Variants in HPGDS observed in about 807,000 individuals in gnomAD.
The protein encoded by HPGDS is GST class-sigma.
Under a neutral mutation model 23.1 loss-of-function variants are expected in HPGDS, and 26 were observed. The observed-to-expected ratio is 1.13, with a 90% CI of 0.83 to 1.56. The LOEUF is 1.56. Ranked by LOEUF, HPGDS falls within the 40% of genes most tolerant of loss-of-function variation. HPGDS has a pLI of 0.00. For missense variants in HPGDS, 268 were observed against 236.4 expected, an observed-to-expected ratio of 1.13 and a Z score of -0.88; for synonymous variants, 95 against 77.9, an observed-to-expected ratio of 1.22 and a Z score of -1.16.
intron 2 of HPGDS, among the ~76,000 whole-genome samples, chr4:94,332,191 T>C (rs1364420363): frequency 1.3e-5 from 2 of 152,080 alleles, no homozygotes; most frequent in Non-Finnish European, 2.9e-5. Flanking sequence ...GAAGACTACC[T>C]GCCCACCCTG....
At chr4:94,310,243 G>A (rs894578760) in intron 3 of HPGDS, among the ~76,000 whole-genome samples, 1 of 152,130 alleles carries the variant, frequency 6.6e-6, no homozygotes, top group Non-Finnish European at 1.5e-5. Flanking sequence ...AGGTTTTCTT[G>A]TAGGGTTTTT....
intron 3 of HPGDS, among the ~76,000 whole-genome samples, chr4:94,314,359 T>G (rs556223405): frequency 3.1e-4 from 47 of 152,316 alleles, no homozygotes; most frequent in Non-Finnish European, 5.7e-4. Flanking sequence ...CTTTTAACAG[T>G]CAGGACCCTC....
chr4:94,317,754 T>C (rs1310230074), intron 3 of HPGDS, 119 bp downstream of exon 3: 2 of 580,792 alleles, frequency 3.4e-6, no homozygotes, highest in East Asian at 3.0e-5. Context: ...TTTTCTCTTA[T>C]TTAATTCCAT....
chr4:94,310,297 G>T (rs146012456), intron 3 of HPGDS, among the ~76,000 whole-genome samples: 3,463 of 152,154 alleles, frequency 0.023, 87 homozygotes, highest in African/African-American at 0.068. Context: ...CATCTTGAAT[G>T]AATTTTTGTA....
intron 4 of HPGDS, among the ~76,000 whole-genome samples, chr4:94,304,863 T>G (rs1344337634): frequency 6.6e-6 from 1 of 152,118 alleles, no homozygotes; most frequent in Non-Finnish European, 1.5e-5. Flanking sequence ...AGGTGGTCTC[T>G]GTTATGGAGC....
At chr4:94,337,087 C>G (rs1315008183) in intron 1 of HPGDS, among the ~76,000 whole-genome samples, 2 of 152,118 alleles carry the variant, frequency 1.3e-5, no homozygotes, top group Non-Finnish European at 2.9e-5. Context: ...GCCTCAGCCT[C>G]CTGAGTAGCT....
intron 3 of HPGDS, among the ~76,000 whole-genome samples, chr4:94,312,708 C>T (rs1460582232): frequency 6.6e-6 from 1 of 152,090 alleles, no homozygotes; most frequent in African/African-American, 2.4e-5. Context: ...AACTTTCTGT[C>T]TCATTGATCT....
chr4:94,312,131 T>C (rs1469441984), intron 3 of HPGDS, among the ~76,000 whole-genome samples: 1 of 152,170 alleles, frequency 6.6e-6, no homozygotes, highest in African/African-American at 2.4e-5. Flanking sequence ...TTTGTGTCTC[T>C]ATCTCCTTCA....
At chr4:94,327,427 T>C (rs1172953105) in intron 2 of HPGDS, among the ~76,000 whole-genome samples, 1 of 152,124 alleles carries the variant, frequency 6.6e-6, no homozygotes, top group East Asian at 1.9e-4. Context: ...CCCTGGATAA[T>C]GTGCTTGGGT....
rs560344228 is a variant in HPGDS at position 94,300,107 on chromosome 4, T to C, written c.436-463A>G. ...CCCTTTTTTTCACATCACCAAATTA[T>C]TGAAGATTTCACACTAGTCCTACAG... On this transcript the variant is annotated intron_variant, in intron 5 of 5. Transcript: ENST00000295256. Among the ~76,000 whole-genome samples the C allele has an allele frequency of 7.9e-5, 12 of 152,330 alleles. No homozygotes were observed. In the South Asian group the frequency reaches 2.1e-3, roughly 26 times the overall value.
intron 3 of HPGDS, among the ~76,000 whole-genome samples, chr4:94,309,651 G>T (rs1320492030): frequency 5.9e-5 from 9 of 151,896 alleles, no homozygotes; most frequent in African/African-American, 2.2e-4. Flanking sequence ...ACCCACTAAT[G>T]GGATGGCTGG....
chr4:94,340,311 C>CTTTTTTTTTTTTTTTTT (rs869240610), intron 1 of HPGDS, among the ~76,000 whole-genome samples: 4 of 23,684 alleles, frequency 1.7e-4, no homozygotes, highest in African/African-American at 4.4e-4. Context: ...CTTTCTTTCT[C>CTTTTTTTTTTTTTTTTT]TTTTTTTTTT....
intron 5 of HPGDS, among the ~76,000 whole-genome samples, chr4:94,301,638 C>T (rs1305652020): frequency 6.6e-6 from 1 of 152,022 alleles, no homozygotes; most frequent in Non-Finnish European, 1.5e-5. Flanking sequence ...TTCTCAGTGA[C>T]ATCAACACAA....
At chr4:94,333,233 T>G (rs1407282231) in intron 2 of HPGDS, among the ~76,000 whole-genome samples, 1 of 152,224 alleles carries the variant, frequency 6.6e-6, no homozygotes, top group Non-Finnish European at 1.5e-5. Flanking sequence ...TCCTTTCTTC[T>G]TAGAGTAATA....
At chr4:94,336,219 AAAG>A (rs1466786721) in intron 1 of HPGDS, among the ~76,000 whole-genome samples, 2,885 of 148,138 alleles carry the variant, frequency 0.019, 71 homozygotes, top group African/African-American at 0.072. Context: ...AAAAAAAAAA[AAAG>A]AAAGAAAGAA....
At chr4:94,308,589 G>C in intron 4 of HPGDS, 45 bp downstream of exon 4, 1 of 941,572 alleles carries the variant, frequency 1.1e-6, no homozygotes. Context: ...ATGTCTGGCA[G>C]GTGGTATATA....
rs1442694912 is a variant in HPGDS at position 94,340,330 on chromosome 4, T to C, written c.-10+2465A>G. Among the ~76,000 whole-genome samples, 118 of 32,970 alleles carry C rather than the reference T, an allele frequency of 3.6e-3. 4 individuals carry two copies. Among genetic ancestry groups the C allele is most frequent in the African/African-American group, 6.0e-3 (47 of 7,884 alleles). The allele number at this position is 32,970 out of a possible 152,430, so 21.6% of individuals were successfully genotyped here. A position where few individuals can be genotyped will look rare whatever the true frequency, so the allele number is the denominator to read the frequency against. ...CTTTCTCTTTTTTTTTTTTTTTTTT[T>C]TTTTTTTTTTTTTTTTTTTTTTTTT... On this transcript the variant is annotated intron_variant, in intron 1 of 5. Coordinates refer to ENST00000295256, the MANE Select transcript of HPGDS (RefSeq NM_014485.3).
intron 3 of HPGDS, among the ~76,000 whole-genome samples, chr4:94,314,322 GGA>G (rs1443888313): frequency 1.3e-5 from 2 of 152,154 alleles, no homozygotes; most frequent in Non-Finnish European, 2.9e-5. Context: ...GTTTTGGTGT[GGA>G]TGTCCTTTCT....
intron 2 of HPGDS, among the ~76,000 whole-genome samples, chr4:94,318,342 C>T (rs77728430): frequency 0.025 from 3,766 of 152,212 alleles, 105 homozygotes; most frequent in African/African-American, 0.074. Context: ...GTTTGATTTA[C>T]ATATTGAGTT....
Sources: allele counts gnomAD v4.1 joint callset (sites outside exome capture counted in the v4.1 genomes callset), GRCh38; gene constraint gnomAD v4.1.1; transcripts MANE v1.5; gene names NCBI Gene and HGNC (gene_info 2026-07-23, HGNC 2026-07-21).